The following IQSEC1 variants were observed in gnomAD, a reference collection of about 807,000 sequenced individuals.
IQSEC1 encodes IQ motif and SEC7 domain-containing protein 1.
Under a neutral mutation model 91.0 loss-of-function variants are expected in IQSEC1, and 31 were observed. The ratio of observed to expected loss-of-function variants is 0.34; its 90% confidence interval spans 0.26 to 0.46. IQSEC1 has a LOEUF of 0.46. Among genes scored for constraint, IQSEC1 ranks in the 20% least tolerant of loss-of-function variants. The probability of loss-of-function intolerance (pLI) is 1.00; values close to 1 mark genes in which losing one functional copy is unlikely to be tolerated. For synonymous variants in IQSEC1, 699 were observed against 662.6 expected, an observed-to-expected ratio of 1.05 and a Z score of -0.84; for missense variants, 1,388 against 1,575.6, an observed-to-expected ratio of 0.88 and a Z score of 2.02.
chr3:13,078,010 G>A (rs1023436120), upstream of IQSEC1, among the ~76,000 whole-genome samples: 11 of 152,190 alleles, frequency 7.2e-5, no homozygotes, highest in Non-Finnish European at 1.6e-4. Context: ...TGCCAAGGAC[G>A]GCCGTGGCCA....
At chr3:13,192,544 G>C (rs1694054778) in intron 1 of IQSEC1, among the ~76,000 whole-genome samples, 1 of 152,152 alleles carries the variant, frequency 6.6e-6, no homozygotes, top group African/African-American at 2.4e-5. Context: ...AGACAGGAGG[G>C]AAGCAGGTAT....
intron 6 of IQSEC1, 37 bp downstream of exon 6, chr3:12,920,393 C>T (rs1458962873): frequency 2.5e-6 from 4 of 1,606,658 alleles, no homozygotes; most frequent in Non-Finnish European, 3.4e-6. Flanking sequence ...GGTGCTGGAG[C>T]AAATCTGTGG....
chr3:13,038,262 GTATATATA>G (rs58338571), intron 1 of IQSEC1, among the ~76,000 whole-genome samples: 17,341 of 101,370 alleles, frequency 0.17, 1,490 homozygotes, highest in South Asian at 0.22. Context: ...GTGTGTGTGT[GTATATATA>G]TATATATATA....
chr3:13,278,364 C>A (rs774902866), intron 1 of IQSEC1, among the ~76,000 whole-genome samples: 5 of 152,222 alleles, frequency 3.3e-5, no homozygotes, highest in Non-Finnish European at 7.3e-5. Context: ...CACTGCCACC[C>A]CACGTGACAC....
chr3:13,015,731 G>A, intron 1 of IQSEC1: 1 of 985,432 alleles, frequency 1.0e-6, no homozygotes, highest in Non-Finnish European at 1.2e-6. Context: ...ACCACACCCA[G>A]GGGAGAGGGT....
chr3:12,924,568 A>C lies in IQSEC1; in HGVS notation c.1730+13T>G. On this transcript the variant is annotated intron_variant, in intron 4 of 13. Coordinates refer to ENST00000613206, the MANE Select transcript of IQSEC1 (RefSeq NM_001134382.3). This position sits in a 1 kb window ranked among gnomAD's most constrained non-coding sequence, Gnocchi z 6.3. ...TGGAATCAGGTCCCCCACCACCCCC[A>C]TGCAGAACTTACTCGAGCACGTCAC... 1 of 1,575,634 alleles carries C rather than the reference A, an allele frequency of 6.3e-7. No homozygotes were observed. The highest frequency in any genetic ancestry group is 8.7e-7 in the Non-Finnish European group (1 of 1,155,802).
At chr3:13,153,067 A>C (rs1307893249) in intron 2 of IQSEC1, among the ~76,000 whole-genome samples, 39 of 102,862 alleles carry the variant, frequency 3.8e-4, no homozygotes, top group Admixed American at 5.1e-4. Flanking sequence ...TCCCCTATCT[A>C]CTCCTTTCAC....
chr3:12,905,473 C>T (rs1343373040), intron 12 of IQSEC1, among the ~76,000 whole-genome samples: 1 of 152,280 alleles, frequency 6.6e-6, no homozygotes, highest in African/African-American at 2.4e-5. Context: ...GCCTGAAAGG[C>T]TTTCCATGCA....
intron 2 of IQSEC1, among the ~76,000 whole-genome samples, chr3:13,150,595 G>A (rs1576272762): frequency 6.6e-6 from 1 of 152,306 alleles, no homozygotes; most frequent in East Asian, 1.9e-4. Flanking sequence ...AGGAGTTCAG[G>A]AGGAGGAACA....
chr3:13,092,910 C>G (rs918718503), intron 2 of IQSEC1, among the ~76,000 whole-genome samples: 1 of 152,260 alleles, frequency 6.6e-6, no homozygotes, highest in East Asian at 1.9e-4. Flanking sequence ...GTTCCCTCTG[C>G]CGCGAGCACT....
chr3:13,099,296 T>C (rs950677249), intron 2 of IQSEC1, among the ~76,000 whole-genome samples: 1 of 152,200 alleles, frequency 6.6e-6, no homozygotes, highest in African/African-American at 2.4e-5. Flanking sequence ...CACCAGAATA[T>C]AGCTGGTGGG....
rs892717772 is a variant in IQSEC1 at position 13,008,619 on chromosome 3, G to T, written c.23+64373C>A. On this transcript the variant is annotated intron_variant, in intron 1 of 13. Transcript: ENST00000613206. This position sits in a 1 kb window ranked among gnomAD's most constrained non-coding sequence, Gnocchi z 4.1. ...TGTGATGTTGGAAATGCTCGTTTGTGTGTTTGTTTACTTGTCACCTCTCTG... is the reference window on the plus strand; with the variant it reads ...TGTGATGTTGGAAATGCTCGTTTGTTTGTTTGTTTACTTGTCACCTCTCTG... Among the ~76,000 whole-genome samples the T allele has an allele frequency of 2.6e-5, 4 of 152,178 alleles. No individual in the cohort carries two copies. Among genetic ancestry groups the T allele is most frequent in the East Asian group, 1.9e-4 (1 of 5,198 alleles).
chr3:13,014,096 C>A (rs1304531162), intron 1 of IQSEC1, among the ~76,000 whole-genome samples: 1 of 152,180 alleles, frequency 6.6e-6, no homozygotes, highest in Non-Finnish European at 1.5e-5. Context: ...GGTAGCTGAG[C>A]TGGAGGCCAG....
At chr3:13,038,262 G>GTA (rs58338571) in intron 1 of IQSEC1, among the ~76,000 whole-genome samples, 1,730 of 101,060 alleles carry the variant, frequency 0.017, 21 homozygotes, top group African/African-American at 0.021. Flanking sequence ...GTGTGTGTGT[G>GTA]TATATATATA....
In IQSEC1 at chr3:12,900,927, G is replaced by C; in HGVS notation, c.*56C>G. ...GGTGTGCGGCTGGCGACCCCCGGGC[G>C]TGCCCTGTGTGGTGTGCAGGTGTTT... On this transcript the variant is annotated 3_prime_UTR_variant, in exon 14 of 14. Coordinates refer to ENST00000613206, the MANE Select transcript of IQSEC1 (RefSeq NM_001134382.3). 1.3e-6 allele frequency: 2 copies of C among 1,537,564 alleles called. No homozygotes were observed. The highest frequency in any genetic ancestry group is 1.7e-6 in the Non-Finnish European group (2 of 1,146,626).
intron 1 of IQSEC1, among the ~76,000 whole-genome samples, chr3:13,255,175 A>G (rs1428106969): frequency 6.6e-6 from 1 of 152,216 alleles, no homozygotes; most frequent in Non-Finnish European, 1.5e-5. Flanking sequence ...GAGAACACGC[A>G]TGGCTGACCA....
intron 1 of IQSEC1, among the ~76,000 whole-genome samples, chr3:13,001,133 T>G (rs1057244666): frequency 6.6e-6 from 1 of 151,800 alleles, no homozygotes; most frequent in South Asian, 2.1e-4. Flanking sequence ...TTAAATTTTT[T>G]TATTTTTAGT....
At chr3:12,966,056 C>T (rs1256753087) in intron 1 of IQSEC1, among the ~76,000 whole-genome samples, 1 of 152,198 alleles carries the variant, frequency 6.6e-6, no homozygotes, top group Admixed American at 6.5e-5. Context: ...GGGTAAGAAG[C>T]AATTGTAATA....
chr3:12,900,308 C>T lies in IQSEC1; in HGVS notation c.*675G>A. The T allele has an allele frequency of 1.0e-6, 1 of 984,846 alleles. No individual in the cohort carries two copies. The highest frequency in any genetic ancestry group is 1.2e-6 in the Non-Finnish European group (1 of 829,568). The allele number at this position is 984,846 out of a possible 1,614,324, so 61.0% of individuals were successfully genotyped here. On this transcript the variant is annotated 3_prime_UTR_variant, in exon 14 of 14. Coordinates refer to ENST00000613206, the MANE Select transcript of IQSEC1 (RefSeq NM_001134382.3). ...AAATATGAAGTATCTGAATTTGTTCCTAGCATTTAGGGTTTGGTCTATTGT... is the reference window on the plus strand; with the variant it reads ...AAATATGAAGTATCTGAATTTGTTCTTAGCATTTAGGGTTTGGTCTATTGT...
Sources: gnomAD v4.1 joint callset for allele counts (sites outside exome capture counted in the v4.1 genomes callset) on GRCh38, gnomAD v4.1.1 for gene constraint, Gnocchi (gnomAD v3.1) non-coding constraint, MANE v1.5 for transcripts, NCBI Gene and HGNC (gene_info 2026-07-23, HGNC 2026-07-21) for gene names.